Variants in USP10 observed in about 807,000 individuals in gnomAD.
USP10 encodes ubiquitin carboxyl-terminal hydrolase 10.
USP10 carries 22 observed loss-of-function variants against 84.5 expected under a neutral mutation model. The observed-to-expected ratio is 0.26, with a 90% confidence interval of 0.19 to 0.37. The LOEUF is 0.37. USP10 is among the 10% of genes least tolerant of loss of function. USP10 has a pLI of 1.00. For missense variants in USP10, 1,019 were observed against 998.9 expected, an observed-to-expected ratio of 1.02 and a Z score of -0.27; for synonymous variants, 454 against 387.6, an observed-to-expected ratio of 1.17 and a Z score of -2.01.
chr16:84,753,603 G>A (rs1052870740), intron 4 of USP10, among the ~76,000 whole-genome samples: 5 of 152,178 alleles, frequency 3.3e-5, no homozygotes, highest in East Asian at 1.9e-4. Context: ...GAGCCAGGGC[G>A]CGAACCCCCG....
At position 84,719,289 on chromosome 16, in the gene USP10, T is replaced by G. The variant is rs1291405793; in HGVS notation, c.22-14146T>G. 3.9e-5 allele frequency among the ~76,000 whole-genome samples: 6 copies of G among 152,292 alleles called. No homozygotes were observed. In the East Asian group the frequency reaches 1.2e-3, roughly 29 times the overall value. ...AGGCATAACTGAATGGAGAAGTAGC[T>G]CCCCTCATCCTCCTGTTTTCTGCTT... On this transcript the variant is annotated intron_variant, in intron 1 of 13. Transcript: ENST00000219473.
intron 13 of USP10, among the ~76,000 whole-genome samples, chr16:84,778,473 G>A (rs575732800): frequency 6.6e-6 from 1 of 152,038 alleles, no homozygotes; most frequent in Admixed American, 6.5e-5. Context: ...TTTTTTCACT[G>A]TTATAAATGA....
chr16:84,761,744 T>C (rs1371024776), intron 8 of USP10, among the ~76,000 whole-genome samples: 5 of 152,218 alleles, frequency 3.3e-5, no homozygotes, highest in African/African-American at 1.2e-4. Flanking sequence ...GCGCAAACGG[T>C]TTAGGCAGAA....
At chr16:84,709,710 T>A (rs1285234135) in intron 1 of USP10, among the ~76,000 whole-genome samples, 1 of 152,014 alleles carries the variant, frequency 6.6e-6, no homozygotes, top group Non-Finnish European at 1.5e-5. Context: ...GACTGAATGT[T>A]GGGCAAAGCT....
intron 10 of USP10, among the ~76,000 whole-genome samples, chr16:84,767,149 G>A (rs188402766): frequency 3.3e-5 from 5 of 152,116 alleles, no homozygotes; most frequent in South Asian, 4.2e-4. Context: ...AGCTTTTAGC[G>A]AGCTCTTCAC....
chr16:84,762,622 T>C (rs1396392022), intron 8 of USP10, among the ~76,000 whole-genome samples: 1 of 150,882 alleles, frequency 6.6e-6, no homozygotes, highest in African/African-American at 2.4e-5. Flanking sequence ...ACCCGGGAGC[T>C]GGAGGTTGCA....
Position 84,700,036 on chromosome 16 carries a change from G to C in USP10, c.-55G>C. Reference sequence around the variant, plus strand: ...TGCGGGCGAGAAGATGGCGGCGGCGGGGGAAGCAGCGTGAGCAGCCGGAGG... The same window carrying C: ...TGCGGGCGAGAAGATGGCGGCGGCGCGGGAAGCAGCGTGAGCAGCCGGAGG... On this transcript the variant is annotated 5_prime_UTR_variant, in exon 1 of 14. Coordinates refer to ENST00000219473, the MANE Select transcript of USP10 (RefSeq NM_005153.3). 7.4e-7 allele frequency: 1 copy of C among 1,344,728 alleles called. No individual in the cohort carries two copies. The allele number at this position is 1,344,728 out of a possible 1,614,324, so 83.3% of individuals were successfully genotyped here.
At chr16:84,706,304 C>G (rs914945118) in intron 1 of USP10, among the ~76,000 whole-genome samples, 4 of 151,792 alleles carry the variant, frequency 2.6e-5, no homozygotes, top group African/African-American at 2.4e-5. Flanking sequence ...AGATTCCTGC[C>G]CAATATAAAA....
At chr16:84,754,284 G>A (rs761683578) in intron 4 of USP10, among the ~76,000 whole-genome samples, 4 of 152,022 alleles carry the variant, frequency 2.6e-5, no homozygotes, top group Non-Finnish European at 4.4e-5. Flanking sequence ...TGAAAGACTT[G>A]CCACTAGATA....
chr16:84,706,730 C>A (rs1379956800), intron 1 of USP10, among the ~76,000 whole-genome samples: 2 of 151,594 alleles, frequency 1.3e-5, no homozygotes, highest in African/African-American at 4.8e-5. Context: ...TTAGTAGAGA[C>A]GGGGTTTCAC....
chr16:84,718,083 A>C (rs1013999238), intron 1 of USP10, among the ~76,000 whole-genome samples: 8 of 152,220 alleles, frequency 5.3e-5, no homozygotes, highest in African/African-American at 1.7e-4. Flanking sequence ...GATGCTTCAG[A>C]GAACTTGACT....
intron 1 of USP10, among the ~76,000 whole-genome samples, chr16:84,727,163 T>C (rs1202969960): frequency 1.3e-5 from 2 of 152,226 alleles, no homozygotes; most frequent in Non-Finnish European, 2.9e-5. Context: ...TTACTCGTGC[T>C]TTTTAGTCTC....
At chr16:84,701,885 G>C (rs751990342) in intron 1 of USP10, among the ~76,000 whole-genome samples, 26 of 150,212 alleles carry the variant, frequency 1.7e-4, no homozygotes, top group Non-Finnish European at 2.7e-4. Context: ...TTAAGTTTTA[G>C]CATGGAGAAA....
At chr16:84,718,769 A>C (rs897007290) in intron 1 of USP10, among the ~76,000 whole-genome samples, 2 of 151,844 alleles carry the variant, frequency 1.3e-5, no homozygotes, top group African/African-American at 4.8e-5. Context: ...AAAACAAAAA[A>C]AAAGTTTTTC....
intron 1 of USP10, among the ~76,000 whole-genome samples, chr16:84,725,615 T>C (rs1908359577): frequency 6.6e-6 from 1 of 151,980 alleles, no homozygotes; most frequent in Non-Finnish European, 1.5e-5. Flanking sequence ...ATGTTGGCAG[T>C]CTGTTCTCTG....
At chr16:84,718,866 C>G (rs1907407795) in intron 1 of USP10, among the ~76,000 whole-genome samples, 1 of 151,970 alleles carries the variant, frequency 6.6e-6, no homozygotes, top group East Asian at 2.0e-4. Context: ...AGTCTCAGCT[C>G]ACTGCAACCT....
At chr16:84,764,469 A>G (rs1913592246) in intron 10 of USP10, among the ~76,000 whole-genome samples, 1 of 152,126 alleles carries the variant, frequency 6.6e-6, no homozygotes, top group Admixed American at 6.6e-5. Flanking sequence ...GCATGTCTGC[A>G]GGGGACAGGG....
At chr16:84,744,598 C>T in intron 3 of USP10, 35 bp from the exon 4 acceptor site, 1 of 1,534,516 alleles carries the variant, frequency 6.5e-7, no homozygotes, top group Non-Finnish European at 8.8e-7. Flanking sequence ...GTTTGTAGAA[C>T]TGGGTTCTTA....
At chr16:84,735,196 G>GATATGTGT (rs1555541026) in intron 2 of USP10, among the ~76,000 whole-genome samples, 12 of 146,262 alleles carry the variant, frequency 8.2e-5, no homozygotes, top group African/African-American at 2.8e-4. Flanking sequence ...AGGCCCGGGT[G>GATATGTGT]GTGTGTGTGT....
Sources: allele counts gnomAD v4.1 joint callset (sites outside exome capture counted in the v4.1 genomes callset), GRCh38; gene constraint gnomAD v4.1.1; transcripts MANE v1.5; gene names NCBI Gene and HGNC (gene_info 2026-07-23, HGNC 2026-07-21).